The following BPIFA3 variants were observed in gnomAD, a reference collection of about 807,000 sequenced individuals.
The protein encoded by BPIFA3 is BPI fold containing family A member 3.
BPIFA3 carries 32 observed loss-of-function variants against 29.7 expected under a neutral mutation model. The observed-to-expected ratio is 1.08, with a 90% CI of 0.81 to 1.45. The LOEUF (loss-of-function observed/expected upper bound fraction) is 1.45. Ranked by LOEUF, BPIFA3 falls within the 40% of genes most tolerant of loss-of-function variation. The pLI, the probability that BPIFA3 is intolerant of heterozygous loss-of-function variation, is 0.00. For missense variants in BPIFA3, 323 were observed against 311.3 expected (o/e 1.04, Z -0.28); for synonymous variants, 112 against 113.7 (o/e 0.98, Z 0.10).
In BPIFA3 at chr20:33,224,108, C is replaced by A. The variant is rs779161222; in HGVS notation, c.278+147C>A. On this transcript the variant is annotated intron_variant, in intron 2 of 6. Coordinates refer to ENST00000375454, the MANE Select transcript of BPIFA3 (RefSeq NM_178466.5). ...AAGAAGAGAAGGTGGAAGGCCCACA[C>A]AAGGAACAGTGGGGGCCCAGCTGCA... 9.3e-5 allele frequency: 106 copies of A among 1,142,986 alleles called. 1 individual carries two copies. The highest frequency in any genetic ancestry group is 1.3e-4 in the Non-Finnish European group (104 of 820,762). 70.8% of individuals were successfully genotyped at this position (1,142,986 alleles called of 1,614,324 possible).
chr20:33,217,466 A>C lies in BPIFA3; in HGVS notation c.-71A>C. ...CAGAAAACCATTAGACCATCCCTCC[A>C]GACTGCCACCCTCAAAGCCGTCTGC... On this transcript the variant is annotated 5_prime_UTR_variant, in exon 1 of 7. Transcript: ENST00000375454. 6.4e-7 allele frequency: 1 copy of C among 1,566,866 alleles called. No individual in the cohort carries two copies. The highest frequency in any genetic ancestry group is 2.3e-5 in the East Asian group (1 of 44,068).
rs763694567 is a variant in BPIFA3, at chr20:33,223,794, T to C, written c.128-17T>C. Reference sequence around the variant, plus strand: ...CCGTGACACTGTGCAAAGTCAGTGGTCCTTGTGCATTTCCAGTTATTGCTC... The same window carrying C: ...CCGTGACACTGTGCAAAGTCAGTGGCCCTTGTGCATTTCCAGTTATTGCTC... On this transcript the variant is annotated splice_polypyrimidine_tract_variant and intron_variant, in intron 1 of 6. Transcript: ENST00000375454. The C allele has an allele frequency of 3.1e-6, 5 of 1,608,502 alleles. No homozygotes were observed. The South Asian group carries it at 3.3e-5, about 11-fold the overall frequency.
chr20:33,224,631 C>T (rs146296072), intron 3 of BPIFA3, among the ~76,000 whole-genome samples, 169 bp downstream of exon 3: 2 of 152,268 alleles, frequency 1.3e-5, no homozygotes, highest in East Asian at 3.9e-4. Flanking sequence ...GTTTCTTCAC[C>T]TGAAATATGA....
intron 4 of BPIFA3, 112 bp downstream of exon 4, chr20:33,225,359 C>A: frequency 1.4e-6 from 2 of 1,447,546 alleles, no homozygotes. Flanking sequence ...TCTCATCCTT[C>A]CCCCGGGATC....
intron 4 of BPIFA3, 178 bp downstream of exon 4, chr20:33,225,425 GA>G: frequency 1.2e-6 from 1 of 801,250 alleles, no homozygotes; most frequent in East Asian, 2.7e-5. Context: ...CCAGAAGCCA[GA>G]CTCTTCTCCC....
chr20:33,227,707 G>A lies in BPIFA3; in HGVS notation c.*90G>A, dbSNP rs181295792. ...TGCTACCCTAAAAACTTTACCCCAG[G>A]CTCTGTGGACATACCATCCTCTCCT... On this transcript the variant is annotated 3_prime_UTR_variant, in exon 7 of 7. Transcript: ENST00000375454. The A allele has an allele frequency of 1.4e-4, 150 of 1,098,050 alleles. 1 individual carries two copies. The African/African-American group carries it at 1.9e-3, about 14-fold the overall frequency. The allele number at this position is 1,098,050 out of a possible 1,614,324, so 68.0% of individuals were successfully genotyped here.
At chr20:33,227,479 C>T (rs370800920) in intron 6 of BPIFA3, 59 bp from the exon 7 acceptor site, 66 of 1,403,080 alleles carry the variant, frequency 4.7e-5, no homozygotes, top group Non-Finnish European at 6.2e-5. Flanking sequence ...GGTTTCCCTT[C>T]GGTGTGGGAG....
chr20:33,224,235 A>G, intron 2 of BPIFA3, 120 bp from the exon 3 acceptor site: 1 of 889,670 alleles, frequency 1.1e-6, no homozygotes, highest in Non-Finnish European at 1.7e-6. Flanking sequence ...TAAAAGAATC[A>G]CAGTCCAAAT....
intron 1 of BPIFA3, among the ~76,000 whole-genome samples, chr20:33,218,734 T>C (rs375387908): frequency 6.1e-4 from 92 of 152,062 alleles, no homozygotes; most frequent in African/African-American, 2.1e-3. Context: ...AAAGGCCCTA[T>C]CTCCAAAGAC....
chr20:33,225,138 A>G lies in BPIFA3; in HGVS notation c.427A>G (p.Ser143Gly), dbSNP rs780746298. The G allele has an allele frequency of 3.7e-6, 6 of 1,614,092 alleles. No individual in the cohort carries two copies. In the Admixed American group the frequency reaches 1.0e-4, roughly 27 times the overall value. Residue 143 changes from serine (S) to glycine (G), a missense_variant, in exon 4 of 7, where the codon AGC becomes GGC. Coordinates refer to ENST00000375454, the MANE Select transcript of BPIFA3 (RefSeq NM_178466.5). ...NNIVKMCAHM[S>G]IVVEFWLEKD... ...CATCGTAAAGATGTGTGCACATATG[A>G]GCATCGTTGTGGAGTTCTGGCTGGA... is the stretch of plus-strand genomic sequence containing the variant.
chr20:33,224,103 C>T (rs541565504), intron 2 of BPIFA3, 142 bp downstream of exon 2: 43 of 1,167,270 alleles, frequency 3.7e-5, no homozygotes, highest in Non-Finnish European at 8.3e-6. Context: ...GGTGGAAGGC[C>T]CACACAAGGA....
At chr20:33,226,306 G>C (rs1985774934) in intron 4 of BPIFA3, 100 bp from the exon 5 acceptor site, 1 of 848,576 alleles carries the variant, frequency 1.2e-6, no homozygotes, top group Admixed American at 2.3e-5. Context: ...GGCTGAGTGA[G>C]GACTAAAAGA....
At chr20:33,227,092 G>A (rs767450805) in intron 6 of BPIFA3, 99 bp downstream of exon 6, 55 of 991,276 alleles carry the variant, frequency 5.5e-5, no homozygotes, top group Non-Finnish European at 8.1e-5. Context: ...CTGCTAAGGG[G>A]CGTCTGCATG....
chr20:33,220,648 C>T (rs1349059932), intron 1 of BPIFA3, among the ~76,000 whole-genome samples: 2 of 152,162 alleles, frequency 1.3e-5, no homozygotes, highest in Non-Finnish European at 2.9e-5. Context: ...ATTATATTTT[C>T]TAGTTGGAAT....
chr20:33,219,317 A>G (rs1213609716), intron 1 of BPIFA3, among the ~76,000 whole-genome samples: 3 of 152,028 alleles, frequency 2.0e-5, no homozygotes, highest in African/African-American at 4.8e-5. Flanking sequence ...AATTCTTGAC[A>G]TTAGCCCTTT....
chr20:33,227,050 GGTACCCCCGGCCCTGGAGCCC>G (rs1334195646), intron 6 of BPIFA3, 57 bp downstream of exon 6: 1 of 1,527,452 alleles, frequency 6.5e-7, no homozygotes, highest in African/African-American at 1.4e-5. Flanking sequence ...GGCTGAAAGA[GGTACCCCCGGCCCTGGAGCCC>G]CCAGGGAGGC....
intron 4 of BPIFA3, chr20:33,225,603 C>G (rs1985745961): frequency 4.8e-6 from 1 of 208,964 alleles, no homozygotes; most frequent in African/African-American, 2.3e-5. Flanking sequence ...ATTCCTCATC[C>G]TGCAGCAGAA....
chr20:33,221,929 T>C (rs540878297), intron 1 of BPIFA3, among the ~76,000 whole-genome samples: 26 of 152,350 alleles, frequency 1.7e-4, no homozygotes, highest in Admixed American at 5.2e-4. Context: ...CTGGAAAGTA[T>C]GTGAAAAGTT....
intron 3 of BPIFA3, 82 bp from the exon 4 acceptor site, chr20:33,225,016 C>A (rs1985708020): frequency 3.0e-6 from 4 of 1,327,906 alleles, no homozygotes; most frequent in Admixed American, 1.7e-5. Flanking sequence ...GTGGACAGTG[C>A]CCGTCTTTGC....
Sources: allele counts gnomAD v4.1 joint callset (sites outside exome capture counted in the v4.1 genomes callset), GRCh38; gene constraint gnomAD v4.1.1; transcripts MANE v1.5; gene names NCBI Gene and HGNC (gene_info 2026-07-23, HGNC 2026-07-21).